Variants in OLFML2B observed in about 807,000 individuals in gnomAD.
OLFML2B encodes olfactomedin-like protein 2B.
Under a neutral mutation model 74.9 loss-of-function variants are expected in OLFML2B, and 57 were observed. The observed-to-expected ratio is 0.76, with a 90% confidence interval of 0.61 to 0.95. OLFML2B has a LOEUF of 0.95. Among genes scored for constraint, OLFML2B ranks in the 40% least tolerant of loss-of-function variants. The pLI is 0.00. For synonymous variants in OLFML2B, 388 were observed against 405.8 expected, an observed-to-expected ratio of 0.96 and a Z score of 0.53; for missense variants, 986 against 970.6, an observed-to-expected ratio of 1.02 and a Z score of -0.21.
chr1:162,002,713 T>G (rs1240422590), intron 4 of OLFML2B, among the ~76,000 whole-genome samples: 2 of 152,140 alleles, frequency 1.3e-5, no homozygotes, highest in Admixed American at 1.3e-4. Context: ...TCCTGAAAGG[T>G]AGGGGACATC....
intron 6 of OLFML2B, among the ~76,000 whole-genome samples, chr1:161,989,815 G>A (rs1689686408): frequency 6.6e-6 from 1 of 152,218 alleles, no homozygotes; most frequent in Non-Finnish European, 1.5e-5. Flanking sequence ...ATTGCAGGTA[G>A]ACCCACTACG....
In OLFML2B at chr1:162,023,585, G is replaced by A. The variant is rs73021283; in HGVS notation, c.-155C>T. Reference sequence around the variant, plus strand: ...TGGGTGCGGCTGAGCGGGACGGGAGGGTGCGCCCCAGAGACTCTGGGCATC... The same window carrying A: ...TGGGTGCGGCTGAGCGGGACGGGAGAGTGCGCCCCAGAGACTCTGGGCATC... On this transcript the variant is annotated 5_prime_UTR_variant, in exon 1 of 8. Coordinates refer to ENST00000294794, the MANE Select transcript of OLFML2B (RefSeq NM_015441.3). The A allele has an allele frequency of 0.013, 8,603 of 655,420 alleles. 564 individuals are homozygous for A. In the African/African-American group the frequency reaches 0.15, roughly 11 times the overall value. The allele number at this position is 655,420 out of a possible 1,614,324, so 40.6% of individuals were successfully genotyped here.
At chr1:162,007,281 CCATGT>C (rs1440861995) in intron 3 of OLFML2B, among the ~76,000 whole-genome samples, 1 of 152,138 alleles carries the variant, frequency 6.6e-6, no homozygotes, top group African/African-American at 2.4e-5. Context: ...GACAGACAAA[CCATGT>C]CAGGTTCTGT....
chr1:162,005,296 T>C (rs1190823879), intron 4 of OLFML2B, among the ~76,000 whole-genome samples: 1 of 152,134 alleles, frequency 6.6e-6, no homozygotes, highest in Non-Finnish European at 1.5e-5. Flanking sequence ...CAGCAATCCA[T>C]TCATGGGTAA....
intron 3 of OLFML2B, among the ~76,000 whole-genome samples, chr1:162,011,965 T>C (rs183689630): frequency 6.6e-5 from 10 of 152,336 alleles, no homozygotes; most frequent in Non-Finnish European, 1.5e-4. Context: ...CAAATTAGAT[T>C]TGAAGTATAT....
intron 3 of OLFML2B, among the ~76,000 whole-genome samples, chr1:162,015,642 C>T (rs1456448588): frequency 6.6e-6 from 1 of 152,150 alleles, no homozygotes; most frequent in Non-Finnish European, 1.5e-5. Context: ...GGTTTAATTC[C>T]TTTTGAATGT....
At position 161,983,833 on chromosome 1, in the gene OLFML2B, C is replaced by T. The variant is rs969421072; in HGVS notation, c.2095G>A (p.Ala699Thr). ...YNQRNANISY[A>T]FDTHTNTQIV... ...TGTGTGTTGGTGTGGGTGTCGAAAG[C>T]GTAGGAGATGTTGGCATTCCGCTGG... The change falls in exon 8 of 8, where the codon GCT becomes ACT. Residue 699 changes from alanine to threonine, a missense_variant. By Grantham distance (58) the Ala-to-Thr change is moderately conservative (BLOSUM62 0). Coordinates refer to ENST00000294794, the MANE Select transcript of OLFML2B (RefSeq NM_015441.3). 28 of 1,614,162 alleles carry T rather than the reference C, an allele frequency of 1.7e-5. No homozygotes were observed. Among genetic ancestry groups the T allele is most frequent in the African/African-American group, 4.0e-5 (3 of 75,016 alleles).
intron 4 of OLFML2B, 96 bp from the exon 5 acceptor site, chr1:162,000,434 AC>A (rs138106143): frequency 0.035 from 31,493 of 896,792 alleles, 745 homozygotes; most frequent in East Asian, 0.088. Flanking sequence ...TGTGCTAATA[AC>A]AGCAGCACTT....
chr1:162,014,482 C>A (rs1690477321), intron 3 of OLFML2B, among the ~76,000 whole-genome samples: 1 of 152,178 alleles, frequency 6.6e-6, no homozygotes, highest in South Asian at 2.1e-4. Flanking sequence ...GGGCAAAATG[C>A]CTCTCCAATC....
chr1:162,021,347 G>A (rs900412222), intron 1 of OLFML2B, among the ~76,000 whole-genome samples: 2 of 152,228 alleles, frequency 1.3e-5, no homozygotes, highest in Non-Finnish European at 2.9e-5. Flanking sequence ...GCCCCTGCCA[G>A]CCTCCCCAGG....
At chr1:161,994,823 T>A (rs6427643) in intron 6 of OLFML2B, among the ~76,000 whole-genome samples, 86,772 of 151,744 alleles carry the variant, frequency 0.57, 25,569 homozygotes, top group Middle Eastern at 0.68. Flanking sequence ...CTCCTGAGGA[T>A]AATGGTAGAC....
intron 6 of OLFML2B, among the ~76,000 whole-genome samples, chr1:161,989,711 C>A (rs1174808484): frequency 6.6e-6 from 1 of 152,156 alleles, no homozygotes; most frequent in Non-Finnish European, 1.5e-5. Flanking sequence ...AACAGTGCAG[C>A]CTGTTTGTGA....
chr1:161,983,596 C>G lies in OLFML2B; in HGVS notation c.*79G>C. ...ATATTTTTAAACAACACATACCCAC[C>G]TACACACACGTGCGCGCACACACAT... On this transcript the variant is annotated 3_prime_UTR_variant, in exon 8 of 8. Transcript: ENST00000294794. The G allele has an allele frequency of 6.9e-7, 1 of 1,453,378 alleles. No individual in the cohort carries two copies. The allele number at this position is 1,453,378 out of a possible 1,614,324, so 90.0% of individuals were successfully genotyped here.
intron 6 of OLFML2B, among the ~76,000 whole-genome samples, chr1:161,995,394 A>T (rs1558056606): frequency 6.6e-6 from 1 of 152,252 alleles, no homozygotes; most frequent in South Asian, 2.1e-4. Context: ...CGTCAGCATG[A>T]TGATGCTATT....
chr1:162,007,978 A>G (rs1300503037), intron 3 of OLFML2B, among the ~76,000 whole-genome samples: 1 of 152,156 alleles, frequency 6.6e-6, no homozygotes, highest in Non-Finnish European at 1.5e-5. Context: ...TGAGAAAGAG[A>G]TCTTGTTTTA....
At chr1:162,013,891 AACACACACACACACACACAC>A (rs59665350) in intron 3 of OLFML2B, among the ~76,000 whole-genome samples, 127 of 143,250 alleles carry the variant, frequency 8.9e-4, no homozygotes, top group African/African-American at 2.7e-3. Context: ...AAAAAAGCCC[AACACACACACACACACACAC>A]ACACACACAC....
chr1:162,000,525 G>C (rs1215347598), intron 4 of OLFML2B, among the ~76,000 whole-genome samples, 187 bp from the exon 5 acceptor site: 2 of 152,166 alleles, frequency 1.3e-5, no homozygotes, highest in African/African-American at 2.4e-5. Flanking sequence ...AGTTCTATGA[G>C]GTAGGACATA....
intron 6 of OLFML2B, among the ~76,000 whole-genome samples, chr1:161,989,615 G>T (rs534585991): frequency 6.6e-6 from 1 of 152,196 alleles, no homozygotes; most frequent in Non-Finnish European, 1.5e-5. Flanking sequence ...TTGCTTTGAA[G>T]GGCTGCCCTT....
chr1:161,992,320 TTAAGGGA>T (rs1190180798), intron 6 of OLFML2B, among the ~76,000 whole-genome samples: 1 of 152,266 alleles, frequency 6.6e-6, no homozygotes, highest in Non-Finnish European at 1.5e-5. Context: ...GGAATTTTGC[TTAAGGGA>T]ATGTCGTGGT....
Sources: gnomAD v4.1 joint callset for allele counts (sites outside exome capture counted in the v4.1 genomes callset) on GRCh38, gnomAD v4.1.1 for gene constraint, MANE v1.5 for transcripts, NCBI Gene and HGNC (gene_info 2026-07-23, HGNC 2026-07-21) for gene names.